The following DPP4 variants were observed in gnomAD, a reference collection of about 807,000 sequenced individuals.
The protein encoded by DPP4 is dipeptidyl peptidase 4.
DPP4 carries 93 observed loss-of-function variants against 122.4 expected under a neutral mutation model. The ratio of observed to expected loss-of-function variants is 0.76; its 90% CI spans 0.64 to 0.90. The LOEUF is 0.90. Ranked by LOEUF, DPP4 falls within the 40% of genes least tolerant of loss-of-function variation. DPP4 has a pLI of 0.00. For missense variants in DPP4, 914 were observed against 907.3 expected (o/e 1.01, Z -0.09); for synonymous variants, 321 against 302.9 (o/e 1.06, Z -0.62).
At chr2:162,073,033 T>A (rs2106165300) in intron 2 of DPP4, among the ~76,000 whole-genome samples, 1 of 150,418 alleles carries the variant, frequency 6.6e-6, no homozygotes, top group South Asian at 2.1e-4. Flanking sequence ...AAACACTGCC[T>A]TTTTTCCTTT....
intron 5 of DPP4, among the ~76,000 whole-genome samples, chr2:162,041,422 C>T (rs78317435): frequency 0.021 from 3,180 of 152,100 alleles, 117 homozygotes; most frequent in African/African-American, 0.074. Context: ...GAGGATGAGA[C>T]GGATGAAATA....
At chr2:162,064,307 C>A (rs2106156321) in intron 2 of DPP4, among the ~76,000 whole-genome samples, 1 of 152,170 alleles carries the variant, frequency 6.6e-6, no homozygotes, top group East Asian at 1.9e-4. Flanking sequence ...TTCAGTACAG[C>A]CAAACCCTTT....
In DPP4 at chr2:162,053,786, C is replaced by T. The variant is rs1255727267; in HGVS notation, c.95-6285G>A. 2.0e-5 allele frequency among the ~76,000 whole-genome samples: 3 copies of T among 152,356 alleles called. No individual in the cohort carries two copies. The East Asian group carries it at 5.8e-4, about 29-fold the overall frequency. ...AGAGTGCACAAGCATGGGGACATGG[C>T]TACCTCCACCTAGATTTCAAAAGAT... is the stretch of plus-strand genomic sequence containing the variant. On this transcript the variant is annotated intron_variant, in intron 2 of 25. Transcript: ENST00000360534.
At chr2:162,066,990 G>A (rs977921204) in intron 2 of DPP4, among the ~76,000 whole-genome samples, 5 of 29,616 alleles carry the variant, frequency 1.7e-4, no homozygotes, top group African/African-American at 9.1e-4. Context: ...GTTTGGAGGG[G>A]ACAAATACGC....
At chr2:162,022,951 T>A in intron 11 of DPP4, 152 bp from the exon 12 acceptor site, 2 of 810,976 alleles carry the variant, frequency 2.5e-6, no homozygotes, top group Non-Finnish European at 2.0e-6. Flanking sequence ...ATTTTTCAAG[T>A]CATTACATTA....
At chr2:162,034,047 T>G (rs1683674934) in intron 9 of DPP4, among the ~76,000 whole-genome samples, 1 of 151,822 alleles carries the variant, frequency 6.6e-6, no homozygotes, top group African/African-American at 2.4e-5. Flanking sequence ...AGACCAAAAG[T>G]CTTTGATGCC....
At chr2:162,037,039 T>G (rs537057566) in intron 8 of DPP4, among the ~76,000 whole-genome samples, 11 of 152,326 alleles carry the variant, frequency 7.2e-5, no homozygotes, top group Non-Finnish European at 1.5e-4. Context: ...ATGTTTGTCT[T>G]GAATTAGTGG....
intron 22 of DPP4, among the ~76,000 whole-genome samples, chr2:162,006,664 T>G (rs1392009501): frequency 1.3e-5 from 2 of 152,130 alleles, no homozygotes; most frequent in African/African-American, 4.8e-5. Context: ...GTTAAACATA[T>G]TTTGCCTGAT....
chr2:162,010,696 C>G (rs530194107), intron 20 of DPP4, among the ~76,000 whole-genome samples: 1 of 152,166 alleles, frequency 6.6e-6, no homozygotes, highest in African/African-American at 2.4e-5. Context: ...GCCTCACTCT[C>G]AAACAAATGT....
chr2:161,998,451 C>A (rs1239185670), intron 23 of DPP4, among the ~76,000 whole-genome samples: 1 of 152,168 alleles, frequency 6.6e-6, no homozygotes, highest in Non-Finnish European at 1.5e-5. Flanking sequence ...AACTTTAACA[C>A]TCAGACCTGA....
chr2:162,047,428 C>T lies in DPP4; in HGVS notation c.168G>A (p.Lys56=), dbSNP rs201527269. 6.3e-7 allele frequency: 1 copy of T among 1,575,480 alleles called. No homozygotes were observed. Among genetic ancestry groups the T allele is most frequent in the Non-Finnish European group, 8.7e-7 (1 of 1,153,750 alleles). ...CTGAAATCCATCTTAAGGAGTATAA[C>T]TTCAGTCTATAAGTATTTTTTAAGT... ...TDYLKNTYRL[K]LYSLRWISDH... is the part of the protein sequence containing the mutation. The change falls in exon 3 of 26, where the codon AAG becomes AAA. Residue 56 remains lysine (K), a synonymous_variant. Coordinates refer to ENST00000360534, the MANE Select transcript of DPP4 (RefSeq NM_001935.4).
intron 2 of DPP4, among the ~76,000 whole-genome samples, chr2:162,062,076 C>A (rs915409577): frequency 6.6e-6 from 1 of 150,902 alleles, no homozygotes. Flanking sequence ...TGAGACCAGC[C>A]TGGCCAACAT....
chr2:162,020,078 A>T, intron 14 of DPP4, 151 bp downstream of exon 14: 1 of 631,168 alleles, frequency 1.6e-6, no homozygotes. Context: ...GAAAATCATT[A>T]AGGCTTCCGT....
At position 162,008,631 on chromosome 2, in the gene DPP4, G is replaced by A. The variant is rs117796258; in HGVS notation, c.1918C>T (p.Leu640=). 123 of 1,613,562 alleles carry A rather than the reference G, an allele frequency of 7.6e-5. 1 individual carries two copies. In the East Asian group the frequency reaches 2.5e-3, roughly 33 times the overall value. The change falls in exon 22 of 26, where the codon CTG becomes TTG. Residue 640 remains leucine (L), a synonymous_variant. Coordinates refer to ENST00000360534, the MANE Select transcript of DPP4 (RefSeq NM_001935.4). ...TTGAACACGCCACTTCCCGATCCCAGGACCATTGAGGTTACGTACCCTCCA... is the reference window on the plus strand; with the variant it reads ...TTGAACACGCCACTTCCCGATCCCAAGACCATTGAGGTTACGTACCCTCCA... The part of the protein sequence containing the change: ...SYGGYVTSMV[L]GSGSGVFKCG...
At chr2:162,033,945 T>G (rs1683670878) in intron 9 of DPP4, among the ~76,000 whole-genome samples, 2 of 148,344 alleles carry the variant, frequency 1.3e-5, no homozygotes, top group South Asian at 4.2e-4. Context: ...AAATAATGAA[T>G]GTTTATATCT....
At chr2:162,033,682 T>C (rs1683649362) in intron 9 of DPP4, 29 bp from the exon 10 acceptor site, 3 of 1,486,600 alleles carry the variant, frequency 2.0e-6, no homozygotes, top group South Asian at 1.2e-5. Flanking sequence ...AGAATTGGTA[T>C]TGACAAAAAA....
rs1017098469 is a variant in DPP4 at position 162,009,279 on chromosome 2, C to G, written c.1849G>C (p.Gly617Arg). ...GCAATTCGTTTGTTGTCCACAAATC[C>G]CATTTTTGAAAATTGTCTAAAACAC... ...IEAARQFSKM[G>R]FVDNKRIAIW... Residue 617 changes from glycine (G) to arginine (R), a missense_variant, in exon 21 of 26, where the codon GGA becomes CGA. By Grantham distance (125) the Gly-to-Arg change is moderately radical. Coordinates refer to ENST00000360534, the MANE Select transcript of DPP4 (RefSeq NM_001935.4). The G allele has an allele frequency of 6.2e-7, 1 of 1,613,582 alleles. No homozygotes were observed. Among genetic ancestry groups the G allele is most frequent in the Admixed American group, 1.7e-5 (1 of 59,952 alleles).
chr2:162,067,840 C>T (rs949681551), intron 2 of DPP4, among the ~76,000 whole-genome samples: 2 of 152,114 alleles, frequency 1.3e-5, no homozygotes, highest in Non-Finnish European at 2.9e-5. Context: ...AATGATTAAA[C>T]ATTAACTCAG....
At chr2:162,006,777 G>C (rs1701292576) in intron 22 of DPP4, among the ~76,000 whole-genome samples, 2 of 152,054 alleles carry the variant, frequency 1.3e-5, no homozygotes, top group African/African-American at 4.8e-5. Context: ...TGACATAACT[G>C]CTTTGAAAAC....
Sources: gnomAD v4.1 joint callset for allele counts (sites outside exome capture counted in the v4.1 genomes callset) on GRCh38, gnomAD v4.1.1 for gene constraint, MANE v1.5 for transcripts, NCBI Gene and HGNC (gene_info 2026-07-23, HGNC 2026-07-21) for gene names.